The following DOK6 variants were observed in gnomAD, a reference collection of about 807,000 sequenced individuals.
The protein encoded by DOK6 is docking protein 6.
Under a neutral mutation model 44.0 loss-of-function variants are expected in DOK6, and 22 were observed. The ratio of observed to expected loss-of-function variants is 0.50; its 90% CI spans 0.36 to 0.71. DOK6 has a LOEUF of 0.71. Ranked by LOEUF, DOK6 falls within the 30% of genes least tolerant of loss-of-function variation. The pLI is 0.00. For synonymous variants in DOK6, 166 were observed against 145.5 expected (o/e 1.14, Z -1.01); for missense variants, 340 against 416.4 (o/e 0.82, Z 1.60).
At chr18:69,410,672 A>G (rs954944697) in intron 1 of DOK6, among the ~76,000 whole-genome samples, 2 of 152,206 alleles carry the variant, frequency 1.3e-5, no homozygotes, top group African/African-American at 4.8e-5. Flanking sequence ...GGCTCTCTTG[A>G]TACATGACTG....
At chr18:69,527,488 G>C (rs772994147) in intron 1 of DOK6, among the ~76,000 whole-genome samples, 2 of 152,174 alleles carry the variant, frequency 1.3e-5, no homozygotes, top group Non-Finnish European at 2.9e-5. Flanking sequence ...ACTTTCATCA[G>C]AACAGCATGG....
At chr18:69,755,935 T>C (rs1979339705) in intron 6 of DOK6, among the ~76,000 whole-genome samples, 1 of 152,184 alleles carries the variant, frequency 6.6e-6, no homozygotes, top group Admixed American at 6.5e-5. Flanking sequence ...ACCTCACAGA[T>C]TGAACACAAG....
rs1790957 is a variant in DOK6 at position 69,795,207 on chromosome 18, C to T, written c.856+37334C>T. On this transcript the variant is annotated intron_variant, in intron 7 of 7. Transcript: ENST00000382713. ...GAGTTCGGACACCTGGGTTTTCAAC[C>T]CAGTTTGGTCACTAACCTCTTAAAC... Among the ~76,000 whole-genome samples, 1,440 of 152,050 alleles carry T rather than the reference C, an allele frequency of 9.5e-3. 18 individuals carry two copies. Among genetic ancestry groups the T allele is most frequent in the African/African-American group, 0.033 (1,378 of 41,466 alleles).
intron 3 of DOK6, among the ~76,000 whole-genome samples, chr18:69,603,779 A>C (rs1341821524): frequency 6.6e-5 from 10 of 151,006 alleles, no homozygotes; most frequent in African/African-American, 2.4e-4. Context: ...TCAAAAAAAA[A>C]AAAAAAAAAA....
At chr18:69,812,637 A>C (rs1981276797) in intron 7 of DOK6, among the ~76,000 whole-genome samples, 1 of 152,084 alleles carries the variant, frequency 6.6e-6, no homozygotes, top group South Asian at 2.1e-4. Context: ...TAATGAGTCA[A>C]AGCATCCTAC....
chr18:69,799,889 T>C (rs1980852201), intron 7 of DOK6, among the ~76,000 whole-genome samples: 1 of 152,044 alleles, frequency 6.6e-6, no homozygotes, highest in Non-Finnish European at 1.5e-5. Context: ...ACAACTTGAT[T>C]CTCCAAGCCA....
At chr18:69,518,552 G>T (rs756583574) in intron 1 of DOK6, among the ~76,000 whole-genome samples, 2 of 151,358 alleles carry the variant, frequency 1.3e-5, no homozygotes, top group Non-Finnish European at 2.9e-5. Flanking sequence ...GACATCAGTA[G>T]GTTATCACAG....
chr18:69,738,216 TATCCTC>T (rs1188165732), intron 5 of DOK6, among the ~76,000 whole-genome samples: 2 of 152,212 alleles, frequency 1.3e-5, no homozygotes, highest in Admixed American at 6.5e-5. Flanking sequence ...AAGAAATAGT[TATCCTC>T]ATGAATATTT....
intron 1 of DOK6, among the ~76,000 whole-genome samples, chr18:69,442,999 G>T (rs1255488369): frequency 6.6e-6 from 1 of 152,048 alleles, no homozygotes; most frequent in Non-Finnish European, 1.5e-5. Context: ...AACGAATGTT[G>T]CTTCACACTC....
chr18:69,520,411 T>TA (rs1981653216), intron 1 of DOK6, among the ~76,000 whole-genome samples: 1 of 151,852 alleles, frequency 6.6e-6, no homozygotes, highest in Non-Finnish European at 1.5e-5. Context: ...TATGTTTTTT[T>TA]ATCTTACTTC....
chr18:69,713,029 A>C (rs568448641), intron 5 of DOK6, among the ~76,000 whole-genome samples: 9 of 152,148 alleles, frequency 5.9e-5, no homozygotes, highest in Non-Finnish European at 7.3e-5. Context: ...AAACTCGGAG[A>C]TTTTTTGCAT....
intron 3 of DOK6, among the ~76,000 whole-genome samples, chr18:69,653,755 C>T (rs981521407): frequency 6.6e-6 from 1 of 152,222 alleles, no homozygotes; most frequent in African/African-American, 2.4e-5. Context: ...AAGATAACAT[C>T]ATTCAGACCT....
At chr18:69,684,554 C>T (rs1238970113) in intron 4 of DOK6, among the ~76,000 whole-genome samples, 1 of 152,090 alleles carries the variant, frequency 6.6e-6, no homozygotes, top group Admixed American at 6.6e-5. Flanking sequence ...TTACTGCTCC[C>T]AGGTATGTGC....
intron 3 of DOK6, among the ~76,000 whole-genome samples, chr18:69,622,086 T>C (rs937484047): frequency 1.3e-5 from 2 of 152,190 alleles, no homozygotes; most frequent in African/African-American, 4.8e-5. Flanking sequence ...ATGCCAGAAA[T>C]ATGTAATACC....
chr18:69,484,856 G>T (rs1393652670), intron 1 of DOK6, among the ~76,000 whole-genome samples: 1 of 152,030 alleles, frequency 6.6e-6, no homozygotes, highest in East Asian at 1.9e-4. Flanking sequence ...CCAACAAAAA[G>T]TGCAAAAATG....
At chr18:69,656,493 G>A (rs1422704652) in intron 3 of DOK6, among the ~76,000 whole-genome samples, 1 of 152,128 alleles carries the variant, frequency 6.6e-6, no homozygotes, top group Non-Finnish European at 1.5e-5. Flanking sequence ...TTCCACATAT[G>A]TTCAGTGGAA....
chr18:69,436,171 ATT>A (rs10657543), intron 1 of DOK6, among the ~76,000 whole-genome samples: 143 of 145,160 alleles, frequency 9.9e-4, no homozygotes, highest in African/African-American at 2.8e-3. Context: ...AATTATCTGG[ATT>A]TTTTTTTTTT....
chr18:69,459,852 C>T (rs965655584), intron 1 of DOK6, among the ~76,000 whole-genome samples: 1 of 152,094 alleles, frequency 6.6e-6, no homozygotes, highest in African/African-American at 2.4e-5. Context: ...CTAAATAACC[C>T]AACCCAATTT....
rs939088002 is a variant in DOK6, at chr18:69,693,960, G to A, written c.410-4444G>A. 8.0e-5 allele frequency among the ~76,000 whole-genome samples: 12 copies of A among 149,748 alleles called. No individual in the cohort carries two copies. In the East Asian group the frequency reaches 2.2e-3, roughly 27 times the overall value. The stretch of plus-strand genomic sequence containing the variant: ...TGTAGTCCCAGCTACTCGGGAGGCT[G>A]AGGCAGGAGAATGGCGTGAACCCGG... On this transcript the variant is annotated intron_variant, in intron 4 of 7. Transcript: ENST00000382713.
Sources: gnomAD v4.1 joint callset for allele counts (sites outside exome capture counted in the v4.1 genomes callset) on GRCh38, gnomAD v4.1.1 for gene constraint, MANE v1.5 for transcripts, NCBI Gene and HGNC (gene_info 2026-07-23, HGNC 2026-07-21) for gene names.